The following FRAS1 variants were observed in gnomAD, a reference collection of about 807,000 sequenced individuals.
FRAS1 encodes the protein Fraser extracellular matrix complex subunit 1, also known as extracellular matrix organizing protein FRAS1.
Under a neutral mutation model 435.2 loss-of-function variants are expected in FRAS1, and 290 were observed. The observed-to-expected ratio is 0.67, with a 90% CI of 0.61 to 0.73. The LOEUF is 0.73. FRAS1 is among the 30% of genes least tolerant of loss of function. The probability of loss-of-function intolerance (pLI) is 0.00; values close to 1 mark genes in which losing one functional copy is unlikely to be tolerated. For synonymous variants in FRAS1, 1,800 were observed against 1,851.0 expected (o/e 0.97, Z 0.71); for missense variants, 4,860 against 5,001.5 (o/e 0.97, Z 0.85).
At position 78,452,275 on chromosome 4, in the gene FRAS1, G is replaced by A. The variant is rs759150629; in HGVS notation, c.6684G>A (p.Gln2228=). The part of the protein sequence containing the change: ...ITTLQLSATD[Q]DSGPTELIYR... ...CCCTGCAGCTGTCTGCCACTGACCA[G>A]GACAGTGGGCCTACAGAATTGATCT... The change falls in exon 47 of 74, where the codon CAG becomes CAA. Residue 2228 remains glutamine, a synonymous_variant. Transcript: ENST00000512123. The A allele has an allele frequency of 5.0e-6, 8 of 1,613,734 alleles. No individual in the cohort carries two copies. The East Asian group carries it at 1.8e-4, about 36-fold the overall frequency.
chr4:78,211,881 C>T (rs990267264), intron 2 of FRAS1, among the ~76,000 whole-genome samples: 3 of 152,118 alleles, frequency 2.0e-5, no homozygotes, highest in Non-Finnish European at 2.9e-5. Context: ...CCTCTGGTAA[C>T]CCCTCATCTA....
chr4:78,190,187 G>A (rs1722466951), intron 2 of FRAS1, among the ~76,000 whole-genome samples: 1 of 152,184 alleles, frequency 6.6e-6, no homozygotes. Context: ...CCTCAGCTCA[G>A]ATTCTTCACC....
At chr4:78,114,342 A>G (rs1331623043) in intron 2 of FRAS1, among the ~76,000 whole-genome samples, 1 of 152,194 alleles carries the variant, frequency 6.6e-6, no homozygotes. Flanking sequence ...TGAACTTTAA[A>G]GTAGTTTTTT....
chr4:78,267,088 A>G (rs1390409984), intron 8 of FRAS1, among the ~76,000 whole-genome samples, 153 bp downstream of exon 8: 1 of 152,198 alleles, frequency 6.6e-6, no homozygotes, highest in Non-Finnish European at 1.5e-5. Context: ...TCCTAGGAAG[A>G]AGGGTTGAGG....
intron 2 of FRAS1, chr4:78,070,460 A>ATG (rs1216018383): frequency 6.6e-6 from 1 of 152,112 alleles, no homozygotes; most frequent in African/African-American, 2.4e-5. Context: ...TTTTATTCCT[A>ATG]GAGTAAGAAA....
At chr4:78,301,527 T>G (rs1333613001) in intron 14 of FRAS1, among the ~76,000 whole-genome samples, 1 of 152,026 alleles carries the variant, frequency 6.6e-6, no homozygotes, top group Non-Finnish European at 1.5e-5. Context: ...GGGAAAGAGA[T>G]AAAAAGGCAA....
At chr4:78,132,817 T>A (rs981660284) in intron 2 of FRAS1, among the ~76,000 whole-genome samples, 28 of 151,460 alleles carry the variant, frequency 1.8e-4, no homozygotes, top group African/African-American at 6.8e-4. Flanking sequence ...AGTGGGAGGG[T>A]TTCTAGTGTG....
At chr4:78,232,442 T>A (rs2124146) in intron 2 of FRAS1, among the ~76,000 whole-genome samples, 8 of 151,900 alleles carry the variant, frequency 5.3e-5, no homozygotes, top group Admixed American at 2.6e-4. Context: ...CCCGCCACCA[T>A]GCCCAGCTAA....
At chr4:78,113,752 C>G (rs1016800743) in intron 2 of FRAS1, among the ~76,000 whole-genome samples, 1 of 152,086 alleles carries the variant, frequency 6.6e-6, no homozygotes, top group Non-Finnish European at 1.5e-5. Context: ...GAGTAGATTG[C>G]AAAAATTTTC....
At chr4:78,399,388 T>C (rs1253873560) in intron 29 of FRAS1, among the ~76,000 whole-genome samples, 1 of 152,164 alleles carries the variant, frequency 6.6e-6, no homozygotes, top group Non-Finnish European at 1.5e-5. Context: ...AAAGTAATAA[T>C]AATATAGAAA....
chr4:78,454,163 C>T (rs1362439483), intron 47 of FRAS1, among the ~76,000 whole-genome samples: 9 of 138,348 alleles, frequency 6.5e-5, no homozygotes, highest in Admixed American at 1.4e-4. Flanking sequence ...TAGCTGGCCA[C>T]GCTGATACAT....
chr4:78,095,719 T>C (rs1250288563), intron 2 of FRAS1, among the ~76,000 whole-genome samples: 2 of 152,192 alleles, frequency 1.3e-5, no homozygotes, highest in African/African-American at 4.8e-5. Flanking sequence ...TCAGATCTTT[T>C]GAGACTTATT....
intron 58 of FRAS1, among the ~76,000 whole-genome samples, chr4:78,484,030 A>G (rs1720097576): frequency 6.6e-6 from 1 of 151,974 alleles, no homozygotes; most frequent in Non-Finnish European, 1.5e-5. Flanking sequence ...CTGCAAAATT[A>G]TCTCATGTGC....
At chr4:78,137,324 G>A (rs1719963805) in intron 2 of FRAS1, among the ~76,000 whole-genome samples, 1 of 152,104 alleles carries the variant, frequency 6.6e-6, no homozygotes, top group South Asian at 2.1e-4. Context: ...CTTGTTAAAT[G>A]TTAAGTAAAG....
chr4:78,386,908 A>C (rs978483226), intron 28 of FRAS1, among the ~76,000 whole-genome samples: 1 of 152,198 alleles, frequency 6.6e-6, no homozygotes, highest in Admixed American at 6.5e-5. Context: ...GATTTGGATG[A>C]GAAAACTGAA....
At position 78,094,104 on chromosome 4, in the gene FRAS1, G is replaced by GTT. The variant is rs71214395; in HGVS notation, c.108+28111_108+28112dup. On this transcript the variant is annotated intron_variant, in intron 2 of 73. Coordinates refer to ENST00000512123, the MANE Select transcript of FRAS1 (RefSeq NM_025074.7). The stretch of plus-strand genomic sequence containing the variant: ...GGTAAAATTATTTTTGAATAACCAA[G>GTT]TTTTTTTTTTTTTTTTTTTTTTTTG... 1.1e-3 allele frequency among the ~76,000 whole-genome samples: 113 copies of GTT among 106,612 alleles called. 1 individual carries two copies. Among genetic ancestry groups the GTT allele is most frequent in the East Asian group, 3.8e-3 (12 of 3,128 alleles). 69.9% of individuals were successfully genotyped at this position (106,612 alleles called of 152,430 possible).
At position 78,522,501 on chromosome 4, in the gene FRAS1, T is replaced by C. The variant is rs561846387; in HGVS notation, c.10649-148T>C. The C allele has an allele frequency of 1.9e-4, 129 of 667,692 alleles. No individual in the cohort carries two copies. In the African/African-American group the frequency reaches 2.2e-3, roughly 11 times the overall value. The allele number at this position is 667,692 out of a possible 1,614,324, so 41.4% of individuals were successfully genotyped here. On this transcript the variant is annotated intron_variant, in intron 68 of 73. Coordinates refer to ENST00000512123, the MANE Select transcript of FRAS1 (RefSeq NM_025074.7). ...ATGCCATTCTATCCAGTGTGGAATATATTCTAAGGGGCAAAATGGGCTAAG... is the reference window on the plus strand; with the variant it reads ...ATGCCATTCTATCCAGTGTGGAATACATTCTAAGGGGCAAAATGGGCTAAG...
At chr4:78,388,340 AAAAAAAC>A (rs1560698471) in intron 29 of FRAS1, among the ~76,000 whole-genome samples, 1 of 150,722 alleles carries the variant, frequency 6.6e-6, no homozygotes, top group African/African-American at 2.5e-5. Context: ...CCAAAAAAAA[AAAAAAAC>A]AAAAAAAACC....
At chr4:78,275,481 C>T (rs187105468) in intron 9 of FRAS1, among the ~76,000 whole-genome samples, 2,140 of 152,250 alleles carry the variant, frequency 0.014, 58 homozygotes, top group African/African-American at 0.048. Flanking sequence ...TTTAGTGCTT[C>T]CTTCAGGAGC....
Sources: gnomAD v4.1 joint callset for allele counts (sites outside exome capture counted in the v4.1 genomes callset) on GRCh38, gnomAD v4.1.1 for gene constraint, MANE v1.5 for transcripts, NCBI Gene and HGNC (gene_info 2026-07-23, HGNC 2026-07-21) for gene names.